Variants in ENTREP2 observed in about 807,000 individuals in gnomAD.
ENTREP2 encodes endosomal transmembrane epsin interactor 2, also known as protein ENTREP2.
the ENTREP2 span, among the ~76,000 whole-genome samples, chr15:29,141,478 C>T: frequency 6.6e-6 from 1 of 152,190 alleles, no homozygotes; most frequent in Non-Finnish European, 1.5e-5. Context: ...GGGCAGGCAT[C>T]AGGGGTCTGT....
chr15:29,126,586 C>T, the ENTREP2 span: 3 of 1,061,030 alleles, frequency 2.8e-6, no homozygotes, highest in Non-Finnish European at 4.1e-6. Flanking sequence ...TAGATGAACT[C>T]TGAAACCCTG....
At chr15:29,157,855 G>A in the ENTREP2 span, among the ~76,000 whole-genome samples, 4 of 151,230 alleles carry the variant, frequency 2.6e-5, no homozygotes, top group South Asian at 2.1e-4. Context: ...TCAGCCTCCC[G>A]AGTAGCTGGG....
the ENTREP2 span, among the ~76,000 whole-genome samples, chr15:29,633,797 A>G: frequency 6.6e-6 from 1 of 152,006 alleles, no homozygotes; most frequent in African/African-American, 2.4e-5. Flanking sequence ...TGTCTCTACT[A>G]AAAATACAAG....
the ENTREP2 span, among the ~76,000 whole-genome samples, chr15:29,549,242 C>A: frequency 6.6e-6 from 1 of 151,338 alleles, no homozygotes; most frequent in African/African-American, 2.4e-5. Flanking sequence ...AAATAAAAGG[C>A]GATTAAAATC....
the ENTREP2 span, chr15:29,128,729 A>C: frequency 7.8e-7 from 1 of 1,277,680 alleles, no homozygotes; most frequent in Admixed American, 2.0e-5. Context: ...CGAGGACGAA[A>C]AAGAGACACC....
the ENTREP2 span, among the ~76,000 whole-genome samples, chr15:29,491,721 A>G: frequency 1.7e-4 from 26 of 152,338 alleles, no homozygotes; most frequent in African/African-American, 6.3e-4. Context: ...AAAAACATGA[A>G]GATTTATTTC....
chr15:29,642,631 T>G, the ENTREP2 span, among the ~76,000 whole-genome samples: 3 of 151,026 alleles, frequency 2.0e-5, no homozygotes, highest in African/African-American at 7.3e-5. Context: ...TATATTTTTT[T>G]GAGACGGTGT....
chr15:29,385,168 A>C, the ENTREP2 span, among the ~76,000 whole-genome samples: 1 of 152,114 alleles, frequency 6.6e-6, no homozygotes, highest in Non-Finnish European at 1.5e-5. Flanking sequence ...AAACTATCAA[A>C]ATTCTACAGT....
the ENTREP2 span, among the ~76,000 whole-genome samples, chr15:29,581,385 C>A: frequency 6.6e-6 from 1 of 152,130 alleles, no homozygotes; most frequent in African/African-American, 2.4e-5. Context: ...CAAAATAGAT[C>A]AACTGATTAG....
the ENTREP2 span, among the ~76,000 whole-genome samples, chr15:29,272,799 C>T: frequency 1.3e-5 from 2 of 152,174 alleles, no homozygotes; most frequent in African/African-American, 2.4e-5. Flanking sequence ...GCAGTGTTAG[C>T]ATGATCCAGG....
chr15:29,583,483 G>T, the ENTREP2 span, among the ~76,000 whole-genome samples: 2 of 152,126 alleles, frequency 1.3e-5, no homozygotes, highest in Non-Finnish European at 2.9e-5. Flanking sequence ...ACTGGGGCAT[G>T]TCAGGGGAGA....
the ENTREP2 span, among the ~76,000 whole-genome samples, chr15:29,365,663 A>T: frequency 1.4e-5 from 2 of 147,308 alleles, no homozygotes; most frequent in Admixed American, 6.8e-5. Context: ...CAAAAATTAT[A>T]AAAAAAAATA....
At chr15:29,342,094 C>T in the ENTREP2 span, among the ~76,000 whole-genome samples, 1 of 152,196 alleles carries the variant, frequency 6.6e-6, no homozygotes, top group Non-Finnish European at 1.5e-5. Context: ...AACCCTTGGC[C>T]AGGCCGCCAT....
chr15:29,464,490 C>G, the ENTREP2 span, among the ~76,000 whole-genome samples: 5 of 152,262 alleles, frequency 3.3e-5, no homozygotes, highest in Non-Finnish European at 7.4e-5. Context: ...AAGCTACACA[C>G]CAATAAGCCT....
At chr15:29,190,830 A>G in the ENTREP2 span, among the ~76,000 whole-genome samples, 1 of 152,214 alleles carries the variant, frequency 6.6e-6, no homozygotes, top group Non-Finnish European at 1.5e-5. Context: ...CTCAAATTAG[A>G]CTATGGAAAA....
At chr15:29,522,957 G>A in the ENTREP2 span, among the ~76,000 whole-genome samples, 1,747 of 152,288 alleles carry the variant, frequency 0.011, 36 homozygotes, top group African/African-American at 0.041. Context: ...GGAATGAAAC[G>A]TCTGTAGGTC....
the ENTREP2 span, among the ~76,000 whole-genome samples, chr15:29,203,565 T>C: frequency 6.6e-6 from 1 of 152,218 alleles, no homozygotes; most frequent in Non-Finnish European, 1.5e-5. Flanking sequence ...TGAGCTTTTT[T>C]TCATGTTTGT....
At chr15:29,405,636 A>G in the ENTREP2 span, among the ~76,000 whole-genome samples, 1 of 152,232 alleles carries the variant, frequency 6.6e-6, no homozygotes, top group Admixed American at 6.5e-5. Context: ...CTACGGCACC[A>G]GCACCCCACA....
the ENTREP2 span, among the ~76,000 whole-genome samples, chr15:29,489,038 TA>T: frequency 6.6e-6 from 1 of 152,174 alleles, no homozygotes; most frequent in Non-Finnish European, 1.5e-5. Context: ...TGGACTTTTA[TA>T]GAGGGAGTGG....
Sources: gnomAD v4.1 joint callset for allele counts (sites outside exome capture counted in the v4.1 genomes callset) on GRCh38, gnomAD v4.1.1 for gene constraint, MANE v1.5 for transcripts, NCBI Gene and HGNC (gene_info 2026-07-23, HGNC 2026-07-21) for gene names.